Variants in SLC25A33 observed in about 807,000 individuals in gnomAD.
SLC25A33 encodes bone marrow stromal cell mitochondrial carrier protein.
A neutral mutation model predicts 35.5 loss-of-function variants in SLC25A33; 15 were observed. The observed-to-expected ratio is 0.42, with a 90% confidence interval of 0.28 to 0.65. The LOEUF is 0.65. Ranked by LOEUF, SLC25A33 falls within the 30% of genes least tolerant of loss-of-function variation. The pLI, the probability that SLC25A33 is intolerant of heterozygous loss-of-function variation, is 0.20. For synonymous variants in SLC25A33, 136 were observed against 148.7 expected (o/e 0.91, Z 0.62); for missense variants, 257 against 398.5 (o/e 0.64, Z 3.02).
intron 3 of SLC25A33, 131 bp from the exon 4 acceptor site, chr1:9,570,127 C>G: frequency 1.4e-6 from 1 of 713,344 alleles, no homozygotes; most frequent in Non-Finnish European, 2.3e-6. Context: ...TTAGCACAGG[C>G]GAGGACAAGC....
Position 9,539,758 on chromosome 1 carries a change from G to C in SLC25A33, c.56+11G>C. 7.3e-7 allele frequency: 1 copy of C among 1,375,608 alleles called. No individual in the cohort carries two copies. The highest frequency in any genetic ancestry group is 3.3e-5 in the East Asian group (1 of 30,644). The allele number at this position is 1,375,608 out of a possible 1,614,324, so 85.2% of individuals were successfully genotyped here. On this transcript the variant is annotated intron_variant, in intron 1 of 6. Transcript: ENST00000302692. ...CCTCTTCGCCGGCGGGTGAGTTCCC[G>C]GGCCCAGCCGCGCGCGCCCCACCGC... is the stretch of plus-strand genomic sequence containing the variant.
At chr1:9,575,234 AAT>A (rs1643646271) in intron 5 of SLC25A33, among the ~76,000 whole-genome samples, 2 of 150,874 alleles carry the variant, frequency 1.3e-5, no homozygotes, top group African/African-American at 4.9e-5. Context: ...AAAAAAAAAA[AAT>A]AAGAACCCCT....
chr1:9,560,097 C>CA (rs1338581082), intron 2 of SLC25A33, among the ~76,000 whole-genome samples: 5 of 151,976 alleles, frequency 3.3e-5, no homozygotes, highest in African/African-American at 1.2e-4. Context: ...ACTAAAAATA[C>CA]AAAAACCAGC....
chr1:9,545,306 C>T (rs1643150924), intron 1 of SLC25A33, among the ~76,000 whole-genome samples: 1 of 151,548 alleles, frequency 6.6e-6, no homozygotes, highest in Middle Eastern at 3.2e-3. Flanking sequence ...ACTTCTGCCT[C>T]CCGGCTTCAA....
At chr1:9,543,732 C>T (rs1569838536) in intron 1 of SLC25A33, among the ~76,000 whole-genome samples, 1 of 152,078 alleles carries the variant, frequency 6.6e-6, no homozygotes, top group Non-Finnish European at 1.5e-5. Flanking sequence ...TGCTTTGGCT[C>T]TTATTTTTAT....
chr1:9,553,549 A>G, intron 1 of SLC25A33, 77 bp from the exon 2 acceptor site: 1 of 1,537,924 alleles, frequency 6.5e-7, no homozygotes, highest in Non-Finnish European at 8.9e-7. Context: ...AGTTTTAAAG[A>G]GAGAAAAGCT....
chr1:9,582,575 A>G lies in SLC25A33; in HGVS notation c.*74A>G. The G allele has an allele frequency of 7.0e-7, 1 of 1,420,388 alleles. No homozygotes were observed. The highest frequency in any genetic ancestry group is 9.6e-7 in the Non-Finnish European group (1 of 1,045,270). The allele number at this position is 1,420,388 out of a possible 1,614,324, so 88.0% of individuals were successfully genotyped here. On this transcript the variant is annotated 3_prime_UTR_variant, in exon 7 of 7. Transcript: ENST00000302692. This position sits in a 1 kb window ranked among gnomAD's most constrained non-coding sequence, Gnocchi z 4.0. ...GAATTTTTTTTCCCCATTGATGTTT[A>G]GAAAGTTTGAGACTGAAACAGGAAA... is the stretch of plus-strand genomic sequence containing the variant.
At chr1:9,575,444 G>A (rs773431188) in intron 5 of SLC25A33, among the ~76,000 whole-genome samples, 2 of 151,148 alleles carry the variant, frequency 1.3e-5, no homozygotes, top group South Asian at 2.1e-4. Context: ...GTGAAACCCC[G>A]TCTCTACTAA....
intron 1 of SLC25A33, among the ~76,000 whole-genome samples, chr1:9,546,259 A>G (rs1007529172): frequency 8.3e-5 from 11 of 133,016 alleles, no homozygotes; most frequent in African/African-American, 3.2e-4. Flanking sequence ...ATCTCGGCTC[A>G]CTGCAAACTC....
At chr1:9,569,137 C>T (rs1299090126) in intron 3 of SLC25A33, among the ~76,000 whole-genome samples, 5 of 150,892 alleles carry the variant, frequency 3.3e-5, no homozygotes, top group African/African-American at 1.2e-4. Flanking sequence ...CCCAGCTGCT[C>T]GGGAGGCTGA....
In SLC25A33 at chr1:9,553,754, C is replaced by T. The variant is rs759980975; in HGVS notation, c.185C>T (p.Ala62Val). The T allele has an allele frequency of 1.2e-6, 2 of 1,614,152 alleles. No individual in the cohort carries two copies. Among genetic ancestry groups the T allele is most frequent in the African/African-American group, 1.3e-5 (1 of 75,032 alleles). ...PQVHLGTISG[A>V]GMVRPTSVTP... ...GTTCATCTGGGGACCATTAGTGGAGCTGGAATGGTGAGACCAACATCCGTG... is the reference window on the plus strand; with the variant it reads ...GTTCATCTGGGGACCATTAGTGGAGTTGGAATGGTGAGACCAACATCCGTG... Residue 62 changes from alanine (A) to valine (V), a missense_variant, in exon 2 of 7, where the codon GCT (alanine) becomes GTT (valine). Coordinates refer to ENST00000302692, the MANE Select transcript of SLC25A33 (RefSeq NM_032315.3).
At chr1:9,548,177 G>A (rs1236612520) in intron 1 of SLC25A33, among the ~76,000 whole-genome samples, 1 of 152,126 alleles carries the variant, frequency 6.6e-6, no homozygotes, top group African/African-American at 2.4e-5. Context: ...CCCAGCCATG[G>A]CCTTCAAACT....
At chr1:9,549,598 A>G (rs1399610768) in intron 1 of SLC25A33, among the ~76,000 whole-genome samples, 1 of 150,790 alleles carries the variant, frequency 6.6e-6, no homozygotes, top group African/African-American at 2.4e-5. Flanking sequence ...AACATTCACC[A>G]AGGCCTCCAG....
chr1:9,564,844 A>C (rs2100395900), intron 2 of SLC25A33, among the ~76,000 whole-genome samples: 1 of 150,816 alleles, frequency 6.6e-6, no homozygotes, highest in South Asian at 2.1e-4. Flanking sequence ...GAATTGCTTG[A>C]ACTTAGGAGG....
At chr1:9,548,186 C>T (rs1245545942) in intron 1 of SLC25A33, among the ~76,000 whole-genome samples, 2 of 152,152 alleles carry the variant, frequency 1.3e-5, no homozygotes, top group Non-Finnish European at 2.9e-5. Flanking sequence ...GGCCTTCAAA[C>T]TTTAATCATA....
rs1243175285 is a variant in SLC25A33, at chr1:9,583,391, AAAC to A, written c.*891_*893del. 6.6e-6 allele frequency: 1 copy of A among 152,194 alleles called. No homozygotes were observed. The highest frequency in any genetic ancestry group is 1.5e-5 in the Non-Finnish European group (1 of 68,030). The allele number at this position is 152,194 out of a possible 1,614,324, so 9.4% of individuals were successfully genotyped here. A position where few individuals can be genotyped will look rare whatever the true frequency, so the allele number is the denominator to read the frequency against. ...GAGACTCAATATTTTAAGCTATAAA[AAAC>A]TTCCTGAAGTTATCCTTTTCTCCCT... On this transcript the variant is annotated 3_prime_UTR_variant, in exon 7 of 7. Transcript: ENST00000302692.
chr1:9,566,676 A>G (rs1008723134), intron 2 of SLC25A33, among the ~76,000 whole-genome samples: 1 of 151,878 alleles, frequency 6.6e-6, no homozygotes, highest in African/African-American at 2.4e-5. Flanking sequence ...GAGAAACCCC[A>G]TCTCTACTAA....
At chr1:9,562,402 T>C (rs1012923576) in intron 2 of SLC25A33, among the ~76,000 whole-genome samples, 1 of 150,782 alleles carries the variant, frequency 6.6e-6, no homozygotes, top group Non-Finnish European at 1.5e-5. Flanking sequence ...TATAATCTCA[T>C]CTACTCAGGA....
intron 1 of SLC25A33, among the ~76,000 whole-genome samples, chr1:9,547,453 A>G (rs539055747): frequency 9.4e-5 from 14 of 149,550 alleles, no homozygotes; most frequent in South Asian, 4.2e-4. Context: ...TCAAAAGAGA[A>G]AAAAAAAAAA....
Sources: allele counts gnomAD v4.1 joint callset (sites outside exome capture counted in the v4.1 genomes callset), GRCh38; gene constraint gnomAD v4.1.1; non-coding constraint Gnocchi (gnomAD v3.1); transcripts MANE v1.5; gene names NCBI Gene and HGNC (gene_info 2026-07-23, HGNC 2026-07-21).